ZBTB20: variants seen among roughly 807,000 people sequenced by gnomAD.
The protein encoded by ZBTB20 is zinc finger and BTB domain-containing protein 20.
In ZBTB20, 9 loss-of-function variants were observed where a neutral mutation model predicts 56.9. The ratio of observed to expected loss-of-function variants is 0.16; its 90% CI spans 0.10 to 0.28. ZBTB20 has a LOEUF of 0.28. Ranked by LOEUF, ZBTB20 falls within the 10% of genes least tolerant of loss-of-function variation. ZBTB20 has a pLI of 1.00. For missense variants in ZBTB20, 655 were observed against 1,003.0 expected, an observed-to-expected ratio of 0.65 and a Z score of 4.69; for synonymous variants, 417 against 420.7, an observed-to-expected ratio of 0.99 and a Z score of 0.11.
chr3:115,031,518 G>A (rs1252825758), intron 2 of ZBTB20, among the ~76,000 whole-genome samples: 1 of 151,296 alleles, frequency 6.6e-6, no homozygotes, highest in African/African-American at 2.4e-5. Flanking sequence ...GGAGCTATTT[G>A]ACCTCCTATA....
intron 4 of ZBTB20, among the ~76,000 whole-genome samples, chr3:114,849,063 A>G (rs1397868252): frequency 6.6e-6 from 1 of 152,224 alleles, no homozygotes; most frequent in African/African-American, 2.4e-5. Context: ...TTGGGTTCAT[A>G]CATTTTCAAA....
chr3:114,384,767 T>C (rs927367217), intron 8 of ZBTB20, among the ~76,000 whole-genome samples: 2 of 152,238 alleles, frequency 1.3e-5, no homozygotes, highest in African/African-American at 4.8e-5. Flanking sequence ...GGATGTTGGC[T>C]CTTTCCTAAC....
chr3:115,147,249 A>C lies in ZBTB20; in HGVS notation c.-733T>G, dbSNP rs1396434326. ...CGCGCTCTTTAATCTTCTTTCCTCA[A>C]CTCCTAAACTTCCCCCCGCCCCTAC... On this transcript the variant is annotated 5_prime_UTR_variant, in exon 1 of 12. Transcript: ENST00000675478. The C allele has an allele frequency of 6.7e-6, 1 of 148,814 alleles. No homozygotes were observed. The allele number at this position is 148,814 out of a possible 1,614,324, so 9.2% of individuals were successfully genotyped here.
At chr3:114,911,707 T>C (rs1317278478) in intron 3 of ZBTB20, among the ~76,000 whole-genome samples, 1 of 151,512 alleles carries the variant, frequency 6.6e-6, no homozygotes, top group Non-Finnish European at 1.5e-5. Context: ...TAATTTGAAA[T>C]TACCCACCTA....
intron 4 of ZBTB20, among the ~76,000 whole-genome samples, chr3:114,830,916 A>G (rs1266927391): frequency 6.6e-6 from 1 of 151,786 alleles, no homozygotes; most frequent in Non-Finnish European, 1.5e-5. Context: ...ACAAAAAGAT[A>G]GGGGGCTCAC....
intron 4 of ZBTB20, among the ~76,000 whole-genome samples, chr3:114,884,231 T>C (rs1466236002): frequency 6.6e-6 from 1 of 152,140 alleles, no homozygotes; most frequent in Non-Finnish European, 1.5e-5. Flanking sequence ...GGCCGGTGTG[T>C]TCTTAATCAC....
intron 5 of ZBTB20, among the ~76,000 whole-genome samples, chr3:114,734,436 T>C (rs1026377254): frequency 2.6e-5 from 4 of 152,108 alleles, no homozygotes; most frequent in Non-Finnish European, 4.4e-5. Context: ...CATGATTTTT[T>C]TGATACCATA....
Position 114,385,568 on chromosome 3 carries a change from C to T in ZBTB20, c.-154+3437G>A, listed in dbSNP as rs1576520122. ...AGTTCTGTGATATTCATCATGTTAG[C>T]TTTAAGAAGACATTTCCGGGCAAGG... On this transcript the variant is annotated intron_variant, in intron 8 of 11. Transcript: ENST00000675478. Among the ~76,000 whole-genome samples the T allele has an allele frequency of 2.6e-5, 4 of 152,286 alleles. No individual in the cohort carries two copies. The South Asian group carries it at 8.3e-4, about 32-fold the overall frequency.
chr3:114,783,030 T>A (rs920862806), intron 5 of ZBTB20, among the ~76,000 whole-genome samples: 3 of 152,204 alleles, frequency 2.0e-5, no homozygotes, highest in Admixed American at 2.0e-4. Context: ...ATTCACTCTT[T>A]CAACCTAATG....
intron 3 of ZBTB20, among the ~76,000 whole-genome samples, chr3:114,912,705 T>C (rs764984773): frequency 1.2e-4 from 18 of 152,020 alleles, no homozygotes; most frequent in Non-Finnish European, 2.4e-4. Flanking sequence ...TTACTCCTTC[T>C]TTCTAGCTAT....
At chr3:114,964,246 C>T (rs554322403) in intron 3 of ZBTB20, among the ~76,000 whole-genome samples, 2 of 152,076 alleles carry the variant, frequency 1.3e-5, no homozygotes, top group Non-Finnish European at 2.9e-5. Context: ...GAAACCCCGT[C>T]TCTACCAAAA....
intron 3 of ZBTB20, among the ~76,000 whole-genome samples, chr3:114,905,313 T>C (rs1006652165): frequency 2.6e-5 from 4 of 151,954 alleles, no homozygotes; most frequent in African/African-American, 4.8e-5. Context: ...CAATGATTTA[T>C]TCTCAGAAAA....
intron 2 of ZBTB20, among the ~76,000 whole-genome samples, chr3:115,004,147 A>G (rs1355758726): frequency 6.6e-6 from 1 of 151,644 alleles, no homozygotes; most frequent in African/African-American, 2.4e-5. Flanking sequence ...ATTTCAATAG[A>G]TCTGCTCGTG....
At chr3:114,773,888 T>G (rs2069400398) in intron 5 of ZBTB20, among the ~76,000 whole-genome samples, 1 of 152,208 alleles carries the variant, frequency 6.6e-6, no homozygotes. Flanking sequence ...TTTTTATATG[T>G]CATCACCAAA....
At chr3:114,587,802 C>T (rs576816391) in intron 6 of ZBTB20, among the ~76,000 whole-genome samples, 1 of 152,188 alleles carries the variant, frequency 6.6e-6, no homozygotes, top group South Asian at 2.1e-4. Flanking sequence ...TCTGGAAATA[C>T]AGGAATTCAC....
intron 5 of ZBTB20, among the ~76,000 whole-genome samples, chr3:114,755,086 C>A (rs998999153): frequency 1.3e-5 from 2 of 152,136 alleles, no homozygotes; most frequent in African/African-American, 4.8e-5. Flanking sequence ...GTTCAGGAAT[C>A]TCCATTTTAA....
chr3:114,908,731 G>C (rs2075411094), intron 3 of ZBTB20, among the ~76,000 whole-genome samples: 1 of 151,750 alleles, frequency 6.6e-6, no homozygotes, highest in Admixed American at 6.6e-5. Context: ...AATAAAAAAA[G>C]AAAGAAACTA....
At chr3:114,347,094 T>G (rs1395682979) in intron 11 of ZBTB20, among the ~76,000 whole-genome samples, 1 of 139,900 alleles carries the variant, frequency 7.1e-6, no homozygotes, top group Admixed American at 7.1e-5. Context: ...TTTTTTTTTT[T>G]TTTTTTTTTT....
intron 1 of ZBTB20, among the ~76,000 whole-genome samples, chr3:115,074,000 C>A (rs1257096103): frequency 6.6e-6 from 1 of 152,080 alleles, no homozygotes; most frequent in Non-Finnish European, 1.5e-5. Flanking sequence ...TCATTTTTCT[C>A]ACCTTTCCTT....
Sources: allele counts gnomAD v4.1 joint callset (sites outside exome capture counted in the v4.1 genomes callset), GRCh38; gene constraint gnomAD v4.1.1; transcripts MANE v1.5; gene names NCBI Gene and HGNC (gene_info 2026-07-23, HGNC 2026-07-21).